SYNDIG1L: variants seen among roughly 807,000 people sequenced by gnomAD.
SYNDIG1L encodes synapse differentiation-inducing gene protein 1-like.
SYNDIG1L carries 13 observed loss-of-function variants against 20.1 expected under a neutral mutation model. That is an observed-to-expected ratio of 0.65 (90% CI 0.42 to 1.03). SYNDIG1L has a LOEUF of 1.03. SYNDIG1L is among the 50% of genes least tolerant of loss of function. SYNDIG1L has a pLI of 0.00. For synonymous variants in SYNDIG1L, 128 were observed against 129.3 expected (o/e 0.99, Z 0.07); for missense variants, 294 against 305.1 (o/e 0.96, Z 0.27).
chr14:74,431,876 T>C, the SYNDIG1L span, among the ~76,000 whole-genome samples: 2 of 152,230 alleles, frequency 1.3e-5, no homozygotes, highest in Non-Finnish European at 2.9e-5. Flanking sequence ...CAATATGCTC[T>C]GTTCATTTCT....
the SYNDIG1L span, among the ~76,000 whole-genome samples, chr14:74,441,337 C>T: frequency 6.6e-6 from 1 of 152,274 alleles, no homozygotes; most frequent in East Asian, 1.9e-4. Flanking sequence ...TGAACTTTGT[C>T]CCTCGGACAC....
At chr14:74,424,225 A>G (rs1006534527) in intron 1 of SYNDIG1L, among the ~76,000 whole-genome samples, 1 of 152,142 alleles carries the variant, frequency 6.6e-6, no homozygotes, top group African/African-American at 2.4e-5. Context: ...ATCTTAACTC[A>G]TCTAGCCCAA....
At chr14:74,434,714 C>A in the SYNDIG1L span, among the ~76,000 whole-genome samples, 2 of 152,074 alleles carry the variant, frequency 1.3e-5, no homozygotes, top group African/African-American at 2.4e-5. Context: ...TAATTCATTT[C>A]ATTCTGCTAA....
chr14:74,460,704 C>G, the SYNDIG1L span, among the ~76,000 whole-genome samples: 1 of 152,060 alleles, frequency 6.6e-6, no homozygotes, highest in Non-Finnish European at 1.5e-5. Flanking sequence ...GGTGTGGTCT[C>G]GGCTCACTGC....
At chr14:74,450,845 CAACT>C in the SYNDIG1L span, among the ~76,000 whole-genome samples, 1 of 151,950 alleles carries the variant, frequency 6.6e-6, no homozygotes, top group African/African-American at 2.4e-5. Flanking sequence ...AACACTTTAC[CAACT>C]AAGATATAGA....
At chr14:74,479,068 C>G in the SYNDIG1L span, among the ~76,000 whole-genome samples, 3 of 152,142 alleles carry the variant, frequency 2.0e-5, no homozygotes, top group Admixed American at 6.5e-5. Context: ...CATCTAGAGT[C>G]TGGTATGGGA....
At chr14:74,445,281 T>C in the SYNDIG1L span, among the ~76,000 whole-genome samples, 2 of 152,176 alleles carry the variant, frequency 1.3e-5, no homozygotes, top group Admixed American at 1.3e-4. Flanking sequence ...GTGTACAGAC[T>C]GCAGAACTTT....
At chr14:74,471,652 C>A in the SYNDIG1L span, among the ~76,000 whole-genome samples, 2 of 151,952 alleles carry the variant, frequency 1.3e-5, no homozygotes, top group Non-Finnish European at 2.9e-5. Flanking sequence ...AATTTACAGA[C>A]CGAACTAAGA....
the SYNDIG1L span, among the ~76,000 whole-genome samples, chr14:74,441,371 G>C: frequency 5.9e-5 from 9 of 152,310 alleles, no homozygotes; most frequent in Non-Finnish European, 7.4e-5. Context: ...TGGCAGTGGA[G>C]GTAGGGTGAG....
At chr14:74,409,277 T>C in intron 2 of SYNDIG1L, 51 bp downstream of exon 2, 1 of 1,247,124 alleles carries the variant, frequency 8.0e-7, no homozygotes, top group Non-Finnish European at 1.1e-6. Context: ...AGAGTCGGGG[T>C]CTCCTTGTGT....
chr14:74,443,495 G>T, the SYNDIG1L span, among the ~76,000 whole-genome samples: 25 of 152,174 alleles, frequency 1.6e-4, no homozygotes, highest in African/African-American at 6.0e-4. Flanking sequence ...TCCACAACTG[G>T]GAAGGAGAAG....
the SYNDIG1L span, among the ~76,000 whole-genome samples, chr14:74,453,137 A>G: frequency 1.3e-5 from 2 of 152,152 alleles, no homozygotes; most frequent in African/African-American, 4.8e-5. Context: ...ACCTAAGGTC[A>G]GGAGTTCAAG....
the SYNDIG1L span, among the ~76,000 whole-genome samples, chr14:74,440,472 G>A: frequency 8.9e-5 from 13 of 145,772 alleles, no homozygotes; most frequent in Admixed American, 2.1e-4. Context: ...CCAAGATCGC[G>A]CCACTGCTCT....
chr14:74,450,113 CTT>C, the SYNDIG1L span, among the ~76,000 whole-genome samples: 1 of 152,102 alleles, frequency 6.6e-6, no homozygotes, highest in Non-Finnish European at 1.5e-5. Flanking sequence ...AATTTAATAA[CTT>C]AGGTGAAATG....
the SYNDIG1L span, among the ~76,000 whole-genome samples, chr14:74,460,329 TGTC>T: frequency 1.5e-4 from 22 of 151,476 alleles, no homozygotes; most frequent in Non-Finnish European, 7.4e-5. Context: ...CAAACTTAAA[TGTC>T]ATCATCATCT....
At chr14:74,466,384 A>C in the SYNDIG1L span, among the ~76,000 whole-genome samples, 1 of 152,184 alleles carries the variant, frequency 6.6e-6, no homozygotes, top group Admixed American at 6.5e-5. Flanking sequence ...ATCCATGCAT[A>C]GATGGAGCAG....
the SYNDIG1L span, among the ~76,000 whole-genome samples, chr14:74,437,957 C>G: frequency 6.6e-6 from 1 of 152,176 alleles, no homozygotes; most frequent in Admixed American, 6.5e-5. Context: ...TAGAAAGAAG[C>G]TGGGATGTGG....
the SYNDIG1L span, among the ~76,000 whole-genome samples, chr14:74,450,223 T>TA: frequency 2.6e-5 from 4 of 152,164 alleles, no homozygotes; most frequent in Non-Finnish European, 5.9e-5. Context: ...AATTTGCAGT[T>TA]AAAAATCTTC....
the SYNDIG1L span, among the ~76,000 whole-genome samples, chr14:74,440,760 T>C: frequency 6.6e-6 from 1 of 152,208 alleles, no homozygotes; most frequent in Non-Finnish European, 1.5e-5. Context: ...ACACTATTTT[T>C]TTTTAAAGAC....
Sources: gnomAD v4.1 joint callset for allele counts (sites outside exome capture counted in the v4.1 genomes callset) on GRCh38, gnomAD v4.1.1 for gene constraint, MANE v1.5 for transcripts, NCBI Gene and HGNC (gene_info 2026-07-23, HGNC 2026-07-21) for gene names.